Variants in AKT3 observed in about 807,000 individuals in gnomAD.
The protein encoded by AKT3 is AKT serine/threonine kinase 3, also known as RAC-gamma serine/threonine-protein kinase.
A neutral mutation model predicts 65.3 loss-of-function variants in AKT3; 15 were observed. The observed-to-expected ratio is 0.23, with a 90% CI of 0.15 to 0.35. The LOEUF (loss-of-function observed/expected upper bound fraction) is 0.35, where lower values mean the gene tolerates loss of function less well. Among genes scored for constraint, AKT3 ranks in the 10% least tolerant of loss-of-function variants. AKT3 has a pLI of 1.00. For missense variants in AKT3, 243 were observed against 576.5 expected, an observed-to-expected ratio of 0.42 and a Z score of 5.92; for synonymous variants, 206 against 183.8, an observed-to-expected ratio of 1.12 and a Z score of -0.98.
At chr1:243,569,867 A>G (rs1445089153) in intron 9 of AKT3, among the ~76,000 whole-genome samples, 6 of 152,244 alleles carry the variant, frequency 3.9e-5, no homozygotes, top group Non-Finnish European at 8.8e-5. Context: ...TTTGTAAAAT[A>G]AGAGCTAAGC....
chr1:243,579,349 G>C (rs1675169968), intron 8 of AKT3, among the ~76,000 whole-genome samples: 1 of 152,144 alleles, frequency 6.6e-6, no homozygotes, highest in Admixed American at 6.5e-5. Context: ...GAAAAGATAA[G>C]TGAAGGCAGA....
intron 2 of AKT3, among the ~76,000 whole-genome samples, chr1:243,842,717 C>T (rs1222654901): frequency 6.6e-6 from 1 of 152,116 alleles, no homozygotes; most frequent in Non-Finnish European, 1.5e-5. Flanking sequence ...AGCCATTCCC[C>T]TACAACCATT....
chr1:243,807,230 T>C (rs1480213714), intron 2 of AKT3, among the ~76,000 whole-genome samples: 1 of 149,816 alleles, frequency 6.7e-6, no homozygotes, highest in Admixed American at 6.7e-5. Flanking sequence ...CAAAGCAGGG[T>C]GAGGCATCAC....
chr1:243,591,740 T>A (rs1676243982), intron 8 of AKT3, among the ~76,000 whole-genome samples: 1 of 151,434 alleles, frequency 6.6e-6, no homozygotes, highest in East Asian at 1.9e-4. Context: ...CAAATCAAAC[T>A]TCAAGAGATG....
intron 3 of AKT3, among the ~76,000 whole-genome samples, chr1:243,674,279 A>T (rs1314304848): frequency 1.3e-5 from 2 of 152,236 alleles, no homozygotes; most frequent in Non-Finnish European, 2.9e-5. Context: ...ACCACAGATT[A>T]TCTGGTAACC....
intron 2 of AKT3, among the ~76,000 whole-genome samples, chr1:243,719,806 T>C (rs1393338835): frequency 6.6e-6 from 1 of 152,146 alleles, no homozygotes; most frequent in Non-Finnish European, 1.5e-5. Context: ...TCTGCTCACA[T>C]GTGAGTGGCC....
At chr1:243,624,435 A>G (rs1678999596) in intron 6 of AKT3, among the ~76,000 whole-genome samples, 1 of 152,238 alleles carries the variant, frequency 6.6e-6, no homozygotes, top group Non-Finnish European at 1.5e-5. Context: ...AAATTATAAA[A>G]TGTATCCACT....
chr1:243,717,675 G>A (rs904346321), intron 2 of AKT3, among the ~76,000 whole-genome samples: 7 of 152,028 alleles, frequency 4.6e-5, no homozygotes, highest in Admixed American at 2.0e-4. Context: ...ATCATTGGAC[G>A]GCCACATATC....
At chr1:243,489,449 A>G (rs542346426) in intron 13 of AKT3, among the ~76,000 whole-genome samples, 1 of 152,244 alleles carries the variant, frequency 6.6e-6, no homozygotes, top group East Asian at 1.9e-4. Context: ...AAGCGGGAGG[A>G]CGGCCGTGGG....
rs889589665 is a variant in AKT3, at chr1:243,601,127, G to A, written c.696+12544C>T. On this transcript the variant is annotated intron_variant, in intron 8 of 13. Coordinates refer to ENST00000673466, the MANE Select transcript of AKT3 (RefSeq NM_005465.7). Reference sequence around the variant, plus strand: ...GATTACAATAGATTACAACAAAAGTGTATTTTGGAACAATTTCCCATTATG... The same window carrying A: ...GATTACAATAGATTACAACAAAAGTATATTTTGGAACAATTTCCCATTATG... 9.2e-5 allele frequency among the ~76,000 whole-genome samples: 14 copies of A among 152,156 alleles called. No homozygotes were observed. The East Asian group carries it at 1.9e-3, about 21-fold the overall frequency.
At chr1:243,541,660 T>C (rs1006184473) in intron 12 of AKT3, among the ~76,000 whole-genome samples, 13 of 152,208 alleles carry the variant, frequency 8.5e-5, no homozygotes, top group African/African-American at 2.9e-4. Flanking sequence ...AAAGTCAGGA[T>C]GCTCACTCTT....
At chr1:243,609,270 G>A (rs1677682488) in intron 8 of AKT3, among the ~76,000 whole-genome samples, 1 of 151,542 alleles carries the variant, frequency 6.6e-6, no homozygotes, top group Admixed American at 6.6e-5. Context: ...AAAAAATTGT[G>A]AGGTTAAATA....
intron 8 of AKT3, among the ~76,000 whole-genome samples, chr1:243,611,022 T>C (rs540699565): frequency 6.6e-6 from 1 of 152,338 alleles, no homozygotes; most frequent in East Asian, 1.9e-4. Flanking sequence ...CATCTGTACG[T>C]CTGTAGGATA....
chr1:243,781,699 GTATC>G (rs1488571233), intron 2 of AKT3, among the ~76,000 whole-genome samples: 2 of 151,948 alleles, frequency 1.3e-5, no homozygotes, highest in Non-Finnish European at 2.9e-5. Flanking sequence ...CCTTTAGTAA[GTATC>G]TATTACTTTT....
intron 2 of AKT3, among the ~76,000 whole-genome samples, chr1:243,700,571 T>G (rs955411136): frequency 1.3e-5 from 2 of 151,284 alleles, no homozygotes; most frequent in African/African-American, 2.4e-5. Context: ...TGGTGCAATC[T>G]TGGCTCACTG....
At chr1:243,650,949 G>C (rs1467630421) in intron 4 of AKT3, among the ~76,000 whole-genome samples, 2 of 152,142 alleles carry the variant, frequency 1.3e-5, no homozygotes, top group Non-Finnish European at 2.9e-5. Context: ...AAAAGTCAAT[G>C]GTAGCTTGAT....
intron 3 of AKT3, among the ~76,000 whole-genome samples, chr1:243,689,894 G>A (rs1024744720): frequency 2.6e-5 from 4 of 152,066 alleles, no homozygotes; most frequent in Middle Eastern, 3.4e-3. Flanking sequence ...ACAGAGAGCT[G>A]TAATTGTGCC....
Position 243,555,180 on chromosome 1 carries a change from G to A in AKT3, c.949-2237C>T, listed in dbSNP as rs779855007. Among the ~76,000 whole-genome samples the A allele has an allele frequency of 8.1e-4, 123 of 152,038 alleles. 1 individual carries two copies. Among genetic ancestry groups the A allele is most frequent in the Admixed American group, 2.0e-3 (30 of 15,260 alleles). On this transcript the variant is annotated intron_variant, in intron 10 of 13. Transcript: ENST00000673466. ...TTGTATTGAACAAAACTGATGTAACGTATTGTCTTCCTGACATGTAAACTT... is the reference window on the plus strand; with the variant it reads ...TTGTATTGAACAAAACTGATGTAACATATTGTCTTCCTGACATGTAAACTT...
chr1:243,655,770 G>A (rs1217152735), intron 4 of AKT3, among the ~76,000 whole-genome samples: 2 of 152,054 alleles, frequency 1.3e-5, no homozygotes, highest in Non-Finnish European at 2.9e-5. Flanking sequence ...GGTTTACCAT[G>A]TCTCCTCTTT....
Sources: gnomAD v4.1 joint callset for allele counts (sites outside exome capture counted in the v4.1 genomes callset) on GRCh38, gnomAD v4.1.1 for gene constraint, MANE v1.5 for transcripts, NCBI Gene and HGNC (gene_info 2026-07-23, HGNC 2026-07-21) for gene names.